Variants in BACH2 observed in about 807,000 individuals in gnomAD.
BACH2 encodes transcription regulator protein BACH2.
A neutral mutation model predicts 61.8 loss-of-function variants in BACH2; 5 were observed. The ratio of observed to expected loss-of-function variants is 0.08; its 90% CI spans 0.04 to 0.17. The LOEUF (loss-of-function observed/expected upper bound fraction) is 0.17. BACH2 is among the 10% of genes least tolerant of loss of function. The pLI, the probability that BACH2 is intolerant of heterozygous loss-of-function variation, is 1.00. For missense variants in BACH2, 824 were observed against 1,091.1 expected (o/e 0.76, Z 3.45); for synonymous variants, 446 against 440.1 (o/e 1.01, Z -0.17).
At chr6:89,946,236 T>C (rs991588007) in intron 7 of BACH2, among the ~76,000 whole-genome samples, 7 of 152,154 alleles carry the variant, frequency 4.6e-5, no homozygotes, top group Non-Finnish European at 7.4e-5. Context: ...AATATAAATG[T>C]TCAATACACA....
At chr6:90,269,644 GA>G (rs1193645017) in intron 2 of BACH2, among the ~76,000 whole-genome samples, 1 of 152,134 alleles carries the variant, frequency 6.6e-6, no homozygotes, top group Non-Finnish European at 1.5e-5. Flanking sequence ...AGAAGTCAGA[GA>G]AAATTTAGGT....
At chr6:89,959,097 G>GCACACACACACACACACACA (rs60175244) in intron 6 of BACH2, among the ~76,000 whole-genome samples, 2 of 134,404 alleles carry the variant, frequency 1.5e-5, no homozygotes, top group African/African-American at 5.6e-5. Context: ...ATGCACAAGT[G>GCACACACACACACACACACA]CACACACACA....
Position 90,008,930 on chromosome 6 carries a change from A to C in BACH2, c.-12-74T>G. 1 of 1,530,826 alleles carries C rather than the reference A, an allele frequency of 6.5e-7. No individual in the cohort carries two copies. The highest frequency in any genetic ancestry group is 8.8e-7 in the Non-Finnish European group (1 of 1,136,470). The allele number at this position is 1,530,826 out of a possible 1,614,324, so 94.8% of individuals were successfully genotyped here. A position where few individuals can be genotyped will look rare whatever the true frequency, so the allele number is the denominator to read the frequency against. ...CCACAGCTGTAGGATCAGAGAGAGG[A>C]GGTGAGAAAGAACATCATGGTTCCT... On this transcript the variant is annotated intron_variant, in intron 5 of 8. Transcript: ENST00000257749. This position sits in a 1 kb window ranked among gnomAD's most constrained non-coding sequence, Gnocchi z 4.1.
intron 3 of BACH2, among the ~76,000 whole-genome samples, chr6:90,230,020 G>A (rs145302770): frequency 9.9e-5 from 15 of 152,236 alleles, no homozygotes; most frequent in African/African-American, 2.2e-4. Flanking sequence ...GGTCTGGGAC[G>A]CAATCCCCGA....
At chr6:90,197,269 C>A (rs62408213) in intron 4 of BACH2, among the ~76,000 whole-genome samples, 1 of 152,070 alleles carries the variant, frequency 6.6e-6, no homozygotes, top group African/African-American at 2.4e-5. Flanking sequence ...TAAAGTATTA[C>A]GTACTTAAAT....
intron 4 of BACH2, among the ~76,000 whole-genome samples, chr6:90,119,814 A>G (rs967846222): frequency 1.3e-5 from 2 of 152,216 alleles, no homozygotes; most frequent in African/African-American, 4.8e-5. Flanking sequence ...AAATCTGCTG[A>G]CTGGGACATT....
At chr6:90,116,923 A>G in intron 4 of BACH2, 1 of 468,362 alleles carries the variant, frequency 2.1e-6, no homozygotes, top group Non-Finnish European at 3.7e-6. Flanking sequence ...ACCATTCCCT[A>G]TGTCCAAGTA....
chr6:90,027,160 T>A (rs552456141), intron 5 of BACH2, among the ~76,000 whole-genome samples: 2 of 152,060 alleles, frequency 1.3e-5, no homozygotes, highest in African/African-American at 4.8e-5. Context: ...GGACCACCTG[T>A]CACCAAGCAG....
At position 90,157,982 on chromosome 6, in the gene BACH2, T is replaced by C. The variant is rs149572407; in HGVS notation, c.-162+48587A>G. Among the ~76,000 whole-genome samples, 3 of 152,092 alleles carry C rather than the reference T, an allele frequency of 2.0e-5. No individual in the cohort carries two copies. The East Asian group carries it at 5.8e-4, about 29-fold the overall frequency. On this transcript the variant is annotated intron_variant, in intron 4 of 8. Transcript: ENST00000257749. ...TGTATTAAGTGCGATGTTGGAAAGGTATGTGGTGTCATGAGAGCGTTAACT... is the reference window on the plus strand; with the variant it reads ...TGTATTAAGTGCGATGTTGGAAAGGCATGTGGTGTCATGAGAGCGTTAACT...
chr6:90,030,379 G>T (rs577136167), intron 5 of BACH2, among the ~76,000 whole-genome samples: 1 of 152,154 alleles, frequency 6.6e-6, no homozygotes, highest in East Asian at 1.9e-4. Flanking sequence ...GATGGTAGGA[G>T]GAAGGTTTCT....
intron 4 of BACH2, among the ~76,000 whole-genome samples, chr6:90,100,601 T>C (rs1301345886): frequency 6.6e-6 from 1 of 152,070 alleles, no homozygotes; most frequent in Non-Finnish European, 1.5e-5. Context: ...CCTGCTGGCC[T>C]ACCCTGCAAA....
chr6:90,092,249 CAA>C lies in BACH2; in HGVS notation c.-161-3142_-161-3141del, dbSNP rs1218138502. Among the ~76,000 whole-genome samples, 3 of 137,194 alleles carry C rather than the reference CAA, an allele frequency of 2.2e-5. No individual in the cohort carries two copies. In the East Asian group the frequency reaches 7.4e-4, roughly 34 times the overall value. 90.0% of individuals were successfully genotyped at this position (137,194 alleles called of 152,430 possible). ...ACCCACTTCTGTTTCAATGCTGAAC[CAA>C]AGTCTGTGCAATTGGCACACTGTCA... On this transcript the variant is annotated intron_variant, in intron 4 of 8. Transcript: ENST00000257749.
intron 6 of BACH2, among the ~76,000 whole-genome samples, chr6:89,968,019 C>T (rs1775140015): frequency 6.6e-6 from 1 of 152,240 alleles, no homozygotes; most frequent in East Asian, 1.9e-4. Context: ...CAGTTATCCT[C>T]TTGATCCTGA....
intron 4 of BACH2, among the ~76,000 whole-genome samples, chr6:90,140,995 A>G (rs1486117411): frequency 6.6e-6 from 1 of 152,172 alleles, no homozygotes; most frequent in Non-Finnish European, 1.5e-5. Context: ...GAAATGAAAA[A>G]ACCTTCAATA....
Position 89,950,352 on chromosome 6 carries a change from T to C in BACH2, c.1754A>G (p.Tyr585Cys), listed in dbSNP as rs1584518514. The change falls in exon 7 of 9, where the codon TAT (tyrosine) becomes TGT (cysteine). Residue 585 changes from tyrosine to cysteine, a missense_variant. Tyr to Cys is a radical substitution (Grantham distance 194). This residue lies in a region of BACH2 where 160 missense variants were observed against 283.5 expected (regional missense o/e 0.56). Transcript: ENST00000257749. This position sits in a 1 kb window ranked among gnomAD's most constrained non-coding sequence, Gnocchi z 5.3. ...VRPQIKCEQS[Y>C]GTNSSDESGS... is the part of the protein sequence containing the mutation. ...GGATTCGTCACTGGAGTTGGTTCCA[T>C]AAGACTGCTCACATTTAATTTGGGG... 1.9e-6 allele frequency: 3 copies of C among 1,614,156 alleles called. No individual in the cohort carries two copies. The highest frequency in any genetic ancestry group is 4.5e-5 in the East Asian group (2 of 44,862).
chr6:89,989,872 A>G (rs1776447932), intron 6 of BACH2, among the ~76,000 whole-genome samples: 1 of 152,244 alleles, frequency 6.6e-6, no homozygotes, highest in South Asian at 2.1e-4. Flanking sequence ...CAAAGCTGCC[A>G]GAGCCTGCTC....
At chr6:90,164,136 G>A (rs1476722474) in intron 4 of BACH2, among the ~76,000 whole-genome samples, 1 of 152,106 alleles carries the variant, frequency 6.6e-6, no homozygotes, top group East Asian at 1.9e-4. Flanking sequence ...CTGGTTTTTT[G>A]AAAAGATCAA....
chr6:90,166,390 A>C (rs1361329648), intron 4 of BACH2, among the ~76,000 whole-genome samples: 1 of 152,228 alleles, frequency 6.6e-6, no homozygotes, highest in East Asian at 1.9e-4. Flanking sequence ...GCAATCATTA[A>C]AAAGTCAGGA....
In BACH2 at chr6:89,939,902, A is replaced by G. The variant is rs542359406; in HGVS notation, c.1837-1552T>C. 3.4e-5 allele frequency among the ~76,000 whole-genome samples: 5 copies of G among 145,740 alleles called. No individual in the cohort carries two copies. In the East Asian group the frequency reaches 8.1e-4, roughly 24 times the overall value. On this transcript the variant is annotated intron_variant, in intron 7 of 8. Coordinates refer to ENST00000257749, the MANE Select transcript of BACH2 (RefSeq NM_021813.4). ...GGAAAAAAAGAGATGAAGTCTCACA[A>G]TGTTGCCCAGGCTGGTTTCAAACTC...
Sources: allele counts gnomAD v4.1 joint callset (sites outside exome capture counted in the v4.1 genomes callset), GRCh38; gene constraint gnomAD v4.1.1; regional missense constraint gnomAD v4.1.1; non-coding constraint Gnocchi (gnomAD v3.1); transcripts MANE v1.5; gene names NCBI Gene and HGNC (gene_info 2026-07-23, HGNC 2026-07-21).